The following VIRMA variants were observed in gnomAD, a reference collection of about 807,000 sequenced individuals.
VIRMA encodes vir like m6A methyltransferase associated.
In VIRMA, 65 loss-of-function variants were observed where a neutral mutation model predicts 182.4. The observed-to-expected ratio is 0.36, with a 90% CI of 0.29 to 0.44. The LOEUF is 0.44. Ranked by LOEUF, VIRMA falls within the 20% of genes least tolerant of loss-of-function variation. The pLI is 1.00. For missense variants in VIRMA, 1,752 were observed against 2,158.1 expected (o/e 0.81, Z 3.73); for synonymous variants, 709 against 743.1 (o/e 0.95, Z 0.75).
chr8:94,536,212 C>T (rs1815337634), intron 4 of VIRMA, among the ~76,000 whole-genome samples: 1 of 152,130 alleles, frequency 6.6e-6, no homozygotes, highest in Admixed American at 6.5e-5. Flanking sequence ...AAAGACTGGC[C>T]AAGGATTGAT....
At position 94,495,834 on chromosome 8, in the gene VIRMA, T is replaced by C. The variant is rs767079433; in HGVS notation, c.4441A>G (p.Lys1481Glu). 1 of 1,613,754 alleles carries C rather than the reference T, an allele frequency of 6.2e-7. No homozygotes were observed. Among genetic ancestry groups the C allele is most frequent in the Admixed American group, 1.7e-5 (1 of 60,020 alleles). ...DSLLDSVVGL[K>E]QMLESSGDPL... ...TCACCTGATGACTCCAGCATCTGCT[T>C]AAGTCCAACTACACTGTCCAACAAA... The change falls in exon 19 of 24, where the codon AAG (lysine) becomes GAG (glutamate). Residue 1481 changes from lysine (K) to glutamate (E), a missense_variant. Lys to Glu is a moderately conservative substitution (Grantham distance 56, BLOSUM62 1). Coordinates refer to ENST00000297591, the MANE Select transcript of VIRMA (RefSeq NM_015496.5).
intron 5 of VIRMA, among the ~76,000 whole-genome samples, chr8:94,531,737 A>G (rs545452267): frequency 2.0e-5 from 3 of 152,244 alleles, no homozygotes; most frequent in South Asian, 4.1e-4. Context: ...ATGCCAAAAA[A>G]ATAAGGGAAT....
chr8:94,495,897 T>C lies in VIRMA; in HGVS notation c.4384-6A>G. On this transcript the variant is annotated splice_polypyrimidine_tract_variant and splice_region_variant and intron_variant, in intron 18 of 23. Coordinates refer to ENST00000297591, the MANE Select transcript of VIRMA (RefSeq NM_015496.5). ...TCATCATCTTTTGAATGTTCCTAGA[T>C]ACAAATAAAGGCAGAATAAGAAGGT... The C allele has an allele frequency of 6.2e-7, 1 of 1,610,868 alleles. No homozygotes were observed. Among genetic ancestry groups the C allele is most frequent in the Non-Finnish European group, 8.5e-7 (1 of 1,178,938 alleles).
intron 10 of VIRMA, among the ~76,000 whole-genome samples, chr8:94,516,324 T>C (rs1292035286): frequency 6.6e-6 from 1 of 152,204 alleles, no homozygotes; most frequent in Admixed American, 6.5e-5. Flanking sequence ...AATTTGCCTT[T>C]ATAAAATTAC....
At chr8:94,529,931 C>T (rs540115996) in intron 6 of VIRMA, among the ~76,000 whole-genome samples, 50 of 152,256 alleles carry the variant, frequency 3.3e-4, no homozygotes, top group South Asian at 1.9e-3. Flanking sequence ...TGAGCCACCA[C>T]GCCCGGCCTA....
chr8:94,510,340 T>G (rs1814319328), intron 14 of VIRMA, 77 bp downstream of exon 14: 1 of 1,168,084 alleles, frequency 8.6e-7, no homozygotes, highest in Non-Finnish European at 1.2e-6. Flanking sequence ...CAAACCCTAG[T>G]TTCCAAATTG....
chr8:94,492,025 T>C (rs1451669822), intron 21 of VIRMA, 116 bp from the exon 22 acceptor site: 1 of 712,060 alleles, frequency 1.4e-6, no homozygotes, highest in African/African-American at 1.8e-5. Flanking sequence ...CTGCTAACTT[T>C]GCAAGTATCT....
rs140370319 is a variant in VIRMA at position 94,506,844 on chromosome 8, A to G, written c.3880-127T>C. The G allele has an allele frequency of 5.9e-4, 355 of 601,106 alleles. 4 individuals carry two copies. The East Asian group carries it at 9.2e-3, about 16-fold the overall frequency. The allele number at this position is 601,106 out of a possible 1,614,324, so 37.2% of individuals were successfully genotyped here. A position where few individuals can be genotyped will look rare whatever the true frequency, so the allele number is the denominator to read the frequency against. On this transcript the variant is annotated intron_variant, in intron 15 of 23. Transcript: ENST00000297591. ...ATTAAAATATTGTTGCTACTGTCCC[A>G]TCCCAAACATATAAACACATTAAGA...
chr8:94,535,477 A>C (rs1815308845), intron 4 of VIRMA, among the ~76,000 whole-genome samples: 1 of 152,178 alleles, frequency 6.6e-6, no homozygotes. Context: ...ACGTACCCAC[A>C]TTGTACATTA....
At chr8:94,528,904 G>A (rs535730309) in intron 7 of VIRMA, among the ~76,000 whole-genome samples, 166 bp downstream of exon 7, 1 of 152,352 alleles carries the variant, frequency 6.6e-6, no homozygotes, top group East Asian at 1.9e-4. Flanking sequence ...AAGCAGAGGA[G>A]AGATGGAAAT....
Position 94,490,136 on chromosome 8 carries a change from C to A in VIRMA, c.5141-54G>T, listed in dbSNP as rs1586057549. ...CTTTTTTCACAACTTCAGTTGGATT[C>A]TTTTAAGTGACAGATTTTTCTTAAT... is the stretch of plus-strand genomic sequence containing the variant. On this transcript the variant is annotated intron_variant, in intron 22 of 23. Transcript: ENST00000297591. 5.9e-6 allele frequency: 9 copies of A among 1,537,686 alleles called. No individual in the cohort carries two copies. The East Asian group carries it at 1.6e-4, about 27-fold the overall frequency.
chr8:94,534,763 G>C, intron 5 of VIRMA, 76 bp downstream of exon 5: 2 of 1,523,392 alleles, frequency 1.3e-6, no homozygotes, highest in Non-Finnish European at 1.8e-6. Flanking sequence ...AGGTAAAAGA[G>C]TGCTCTTCGA....
chr8:94,490,309 C>CTA, intron 22 of VIRMA: 1 of 487,276 alleles, frequency 2.1e-6, no homozygotes, highest in Admixed American at 3.8e-5. Flanking sequence ...GTGCCCTGGT[C>CTA]AGCTGACTGA....
In VIRMA at chr8:94,512,070, G is replaced by A. The variant is rs567008183; in HGVS notation, c.2771C>T (p.Thr924Ile). ...YVKQNIDNLM[T>I]PEGVGLTTAL... Reference sequence around the variant, plus strand: ...AGTGGTAAGGCCAACTCCTTCTGGGGTCATCAAGTTATCGATATTCTTTAA... The same window carrying A: ...AGTGGTAAGGCCAACTCCTTCTGGGATCATCAAGTTATCGATATTCTTTAA... Residue 924 changes from threonine (T) to isoleucine (I), a missense_variant, in exon 12 of 24, where the codon ACC becomes ATC. By Grantham distance (89) the Thr-to-Ile change is moderately conservative (BLOSUM62 -1). Around this residue, in one of 11 missense-constraint regions of VIRMA, gnomAD observed 777 missense variants for 920.6 expected, o/e 0.84. Transcript: ENST00000297591. 3 of 1,496,380 alleles carry A rather than the reference G, an allele frequency of 2.0e-6. No individual in the cohort carries two copies. Among genetic ancestry groups the A allele is most frequent in the African/African-American group, 1.4e-5 (1 of 69,986 alleles). The allele number at this position is 1,496,380 out of a possible 1,614,324, so 92.7% of individuals were successfully genotyped here. A position where few individuals can be genotyped will look rare whatever the true frequency, so the allele number is the denominator to read the frequency against.
rs773921152 is a variant in VIRMA at position 94,517,839 on chromosome 8, C to G, written c.2617G>C (p.Ala873Pro). 1 of 1,612,492 alleles carries G rather than the reference C, an allele frequency of 6.2e-7. No individual in the cohort carries two copies. The highest frequency in any genetic ancestry group is 2.2e-5 in the East Asian group (1 of 44,728). Residue 873 changes from alanine to proline, a missense_variant, in exon 10 of 24, where the codon GCA (alanine) becomes CCA (proline). Transcript: ENST00000297591. ...GCTTTACAAAGCTTCAAGAGAGATG[C>G]TGCATGTTGTTCTAGCATTTGAACA... ...SDVQMLEQHA[A>P]SLLKLCKADE... is the part of the protein sequence containing the mutation.
In VIRMA at chr8:94,494,850, T is replaced by C; in HGVS notation, c.4641+10A>G. ...TAACGTTTTTCTAAATATTTAGTAA[T>C]AATTTATACCAAATCCAGATCTGTA... is the stretch of plus-strand genomic sequence containing the variant. On this transcript the variant is annotated intron_variant, in intron 20 of 23. Transcript: ENST00000297591. The C allele has an allele frequency of 1.4e-6, 2 of 1,409,998 alleles. No homozygotes were observed. The highest frequency in any genetic ancestry group is 2.0e-6 in the Non-Finnish European group (2 of 1,012,166). The allele number at this position is 1,409,998 out of a possible 1,614,324, so 87.3% of individuals were successfully genotyped here. A position where few individuals can be genotyped will look rare whatever the true frequency, so the allele number is the denominator to read the frequency against.
In VIRMA at chr8:94,504,673, A is replaced by G. The variant is rs772176404; in HGVS notation, c.4097+1827T>C. Among the ~76,000 whole-genome samples the G allele has an allele frequency of 3.7e-4, 56 of 152,198 alleles. 1 individual carries two copies. Among genetic ancestry groups the G allele is most frequent in the Non-Finnish European group, 5.9e-5 (4 of 68,028 alleles). On this transcript the variant is annotated intron_variant, in intron 16 of 23. Coordinates refer to ENST00000297591, the MANE Select transcript of VIRMA (RefSeq NM_015496.5). Reference sequence around the variant, plus strand: ...AATTAGGAGGCTATTGCAATGGGCTATGCAAGAAATGATAGTGGCCTGGAT... The same window carrying G: ...AATTAGGAGGCTATTGCAATGGGCTGTGCAAGAAATGATAGTGGCCTGGAT...
Position 94,526,480 on chromosome 8 carries a change from G to C in VIRMA, c.1764C>G (p.His588Gln). ...TTCTCTCAAGTCCAGCATCTGTGTC[G>C]TGATCAGGTTCACTGTGGTTAGGAA... The part of the protein sequence containing the change: ...SSLPNHSEPD[H>Q]DTDAGLERTN... The change falls in exon 8 of 24, where the codon CAC becomes CAG. Residue 588 changes from histidine (H) to glutamine (Q), a missense_variant. Coordinates refer to ENST00000297591, the MANE Select transcript of VIRMA (RefSeq NM_015496.5). 1 of 1,613,760 alleles carries C rather than the reference G, an allele frequency of 6.2e-7. No individual in the cohort carries two copies.
intron 5 of VIRMA, among the ~76,000 whole-genome samples, chr8:94,531,957 G>A (rs1815188167): frequency 6.6e-6 from 1 of 152,184 alleles, no homozygotes; most frequent in African/African-American, 2.4e-5. Context: ...TTCCATTGAT[G>A]TAACGTGTAA....
Sources: gnomAD v4.1 joint callset for allele counts (sites outside exome capture counted in the v4.1 genomes callset) on GRCh38, gnomAD v4.1.1 for gene constraint, gnomAD v4.1.1 regional missense constraint, MANE v1.5 for transcripts, NCBI Gene and HGNC (gene_info 2026-07-23, HGNC 2026-07-21) for gene names.